SNTB2: variants seen among roughly 807,000 people sequenced by gnomAD.
SNTB2 encodes syntrophin beta 2.
Under a neutral mutation model 46.2 loss-of-function variants are expected in SNTB2, and 34 were observed. The ratio of observed to expected loss-of-function variants is 0.74; its 90% CI spans 0.56 to 0.98. The LOEUF (loss-of-function observed/expected upper bound fraction) is 0.98, where lower values mean the gene tolerates loss of function less well. SNTB2 is among the 50% of genes least tolerant of loss of function. The pLI, the probability that SNTB2 is intolerant of heterozygous loss-of-function variation, is 0.00. For synonymous variants in SNTB2, 290 were observed against 312.6 expected, an observed-to-expected ratio of 0.93 and a Z score of 0.76; for missense variants, 603 against 731.4, an observed-to-expected ratio of 0.82 and a Z score of 2.02.
chr16:69,216,487 A>G (rs1964348218), intron 1 of SNTB2, among the ~76,000 whole-genome samples: 2 of 151,944 alleles, frequency 1.3e-5, no homozygotes, highest in African/African-American at 4.8e-5. Flanking sequence ...GTTCAAGACC[A>G]GTCTGGGCAA....
At chr16:69,240,721 A>G (rs1964603306) in intron 1 of SNTB2, 1 of 152,252 alleles carries the variant, frequency 6.6e-6, no homozygotes, top group African/African-American at 2.4e-5. Context: ...ATAAAAAGGA[A>G]CATAACGATT....
chr16:69,201,408 G>GATGT (rs2152290017), intron 1 of SNTB2, among the ~76,000 whole-genome samples: 1 of 152,264 alleles, frequency 6.6e-6, no homozygotes, highest in African/African-American at 2.4e-5. Flanking sequence ...ATGTGATGTT[G>GATGT]ATGTGGTGCT....
intron 1 of SNTB2, among the ~76,000 whole-genome samples, chr16:69,210,922 C>T (rs1964277638): frequency 1.3e-5 from 2 of 151,926 alleles, no homozygotes; most frequent in South Asian, 2.1e-4. Flanking sequence ...ACCTGGGAGG[C>T]GGAGGTTGCA....
At chr16:69,274,803 TAAAAG>T (rs1057056484) in intron 4 of SNTB2, among the ~76,000 whole-genome samples, 4 of 152,006 alleles carry the variant, frequency 2.6e-5, no homozygotes, top group Admixed American at 6.6e-5. Flanking sequence ...TCAAAAAAAT[TAAAAG>T]AAAGGAAAAG....
At chr16:69,232,396 G>A (rs534437822) in intron 1 of SNTB2, among the ~76,000 whole-genome samples, 40 of 150,676 alleles carry the variant, frequency 2.7e-4, no homozygotes, top group Non-Finnish European at 4.7e-4. Flanking sequence ...TAGTAGAGAC[G>A]GGGTTTCACC....
chr16:69,259,527 G>A (rs1964814694), intron 2 of SNTB2, among the ~76,000 whole-genome samples: 1 of 151,216 alleles, frequency 6.6e-6, no homozygotes, highest in South Asian at 2.1e-4. Context: ...GAGCCACCGT[G>A]CCCGGCCTCT....
intron 1 of SNTB2, among the ~76,000 whole-genome samples, chr16:69,195,276 T>C (rs909415141): frequency 6.6e-6 from 1 of 152,126 alleles, no homozygotes; most frequent in African/African-American, 2.4e-5. Flanking sequence ...TTTGTTGTTA[T>C]TATTTTTTTT....
intron 1 of SNTB2, among the ~76,000 whole-genome samples, chr16:69,236,900 C>G (rs1964564870): frequency 6.6e-6 from 1 of 152,144 alleles, no homozygotes; most frequent in South Asian, 2.1e-4. Context: ...ACCACCTGGG[C>G]AACCTTTAAT....
At chr16:69,296,719 C>CAA (rs199809401) in intron 5 of SNTB2, among the ~76,000 whole-genome samples, 4 of 91,080 alleles carry the variant, frequency 4.4e-5, no homozygotes, top group African/African-American at 8.4e-5. Flanking sequence ...GACTCTGTCT[C>CAA]AAAAAAAAAA....
At chr16:69,232,890 G>T (rs1395073412) in intron 1 of SNTB2, among the ~76,000 whole-genome samples, 1 of 151,928 alleles carries the variant, frequency 6.6e-6, no homozygotes, top group Admixed American at 6.6e-5. Context: ...GGTTTCTTTG[G>T]ACTTATTTCA....
intron 4 of SNTB2, among the ~76,000 whole-genome samples, chr16:69,274,661 A>G (rs1340405196): frequency 1.3e-5 from 2 of 151,708 alleles, no homozygotes; most frequent in African/African-American, 4.8e-5. Context: ...TCAAAAAAAA[A>G]AAAAAAAAAG....
intron 5 of SNTB2, among the ~76,000 whole-genome samples, chr16:69,285,217 A>G (rs1965090870): frequency 6.6e-6 from 1 of 152,226 alleles, no homozygotes; most frequent in Non-Finnish European, 1.5e-5. Flanking sequence ...GTGCTAAAAT[A>G]TGGCAGCTAA....
At chr16:69,267,078 A>C (rs930195895) in intron 3 of SNTB2, among the ~76,000 whole-genome samples, 5 of 150,258 alleles carry the variant, frequency 3.3e-5, no homozygotes, top group Non-Finnish European at 7.4e-5. Context: ...TCCAGGCTGG[A>C]GTGCAGTGGC....
chr16:69,253,574 A>G (rs1171019908), intron 2 of SNTB2, among the ~76,000 whole-genome samples: 1 of 152,050 alleles, frequency 6.6e-6, no homozygotes, highest in Admixed American at 6.6e-5. Flanking sequence ...GCGTGAACCC[A>G]GGAGGCGGAG....
chr16:69,200,008 G>A (rs533925022), intron 1 of SNTB2, among the ~76,000 whole-genome samples: 14 of 151,978 alleles, frequency 9.2e-5, no homozygotes, highest in African/African-American at 2.7e-4. Context: ...TCCATCTCCC[G>A]GGTTCAAGCG....
Position 69,249,265 on chromosome 16 carries a change from A to G in SNTB2, c.794+3450A>G, listed in dbSNP as rs140237527. 1.0e-3 allele frequency among the ~76,000 whole-genome samples: 154 copies of G among 152,146 alleles called. 6 individuals are homozygous for G. In the East Asian group the frequency reaches 0.026, roughly 26 times the overall value. Reference sequence around the variant, plus strand: ...GGTCTCCAACTCCTAGATTCCAGCAATCTACTCGCTTTGGTCTCCCAAAGT... The same window carrying G: ...GGTCTCCAACTCCTAGATTCCAGCAGTCTACTCGCTTTGGTCTCCCAAAGT... On this transcript the variant is annotated intron_variant, in intron 2 of 6. Transcript: ENST00000336278.
chr16:69,191,374 T>C (rs373912199), intron 1 of SNTB2, among the ~76,000 whole-genome samples: 1 of 19,568 alleles, frequency 5.1e-5, no homozygotes, highest in Non-Finnish European at 1.0e-4. Context: ...AGCAAGACCC[T>C]ATCTGTACAA....
chr16:69,217,653 G>C (rs1170383586), intron 1 of SNTB2, among the ~76,000 whole-genome samples: 5 of 152,056 alleles, frequency 3.3e-5, no homozygotes, highest in Admixed American at 3.3e-4. Context: ...AGTGCTTTAT[G>C]ATTTTATGCT....
chr16:69,281,153 C>T (rs1965039245), intron 4 of SNTB2, among the ~76,000 whole-genome samples: 1 of 151,752 alleles, frequency 6.6e-6, no homozygotes, highest in African/African-American at 2.4e-5. Flanking sequence ...TGAAGTCCAA[C>T]TTACCAATTT....
Sources: allele counts gnomAD v4.1 joint callset (sites outside exome capture counted in the v4.1 genomes callset), GRCh38; gene constraint gnomAD v4.1.1; transcripts MANE v1.5; gene names NCBI Gene and HGNC (gene_info 2026-07-23, HGNC 2026-07-21).